The following MED16 variants were observed in gnomAD, a reference collection of about 807,000 sequenced individuals.
The protein encoded by MED16 is mediator complex subunit 16.
MED16 carries 81 observed loss-of-function variants against 84.4 expected under a neutral mutation model. The observed-to-expected ratio is 0.96, with a 90% CI of 0.80 to 1.15. The LOEUF (loss-of-function observed/expected upper bound fraction) is 1.15. Ranked by LOEUF, MED16 falls within the 50% of genes most tolerant of loss-of-function variation. The pLI, the probability that MED16 is intolerant of heterozygous loss-of-function variation, is 0.00. For synonymous variants in MED16, 897 were observed against 552.2 expected, an observed-to-expected ratio of 1.62 and a Z score of -8.76; for missense variants, 1,585 against 1,245.9, an observed-to-expected ratio of 1.27 and a Z score of -4.10.
intron 8 of MED16, among the ~76,000 whole-genome samples, chr19:878,129 G>T (rs1249050738): frequency 1.7e-5 from 2 of 115,570 alleles, no homozygotes; most frequent in African/African-American, 3.4e-5. Flanking sequence ...ACCTTCCCCT[G>T]GTTGTCAATG....
chr19:871,248 C>CT lies in MED16; in HGVS notation c.2103_2104insA (p.Asp702ArgfsTer2), dbSNP rs2036045579. The CT allele has an allele frequency of 6.5e-7, 1 of 1,536,700 alleles. No homozygotes were observed. The highest frequency in any genetic ancestry group is 2.5e-5 in the East Asian group (1 of 40,724). On this transcript the variant is annotated frameshift_variant, in exon 13 of 16. Transcript: ENST00000325464. LOFTEE classifies it high-confidence loss of function. ...TCCGGCTCGCTCGCTGGGCCCTCAT[C>CT]GCGACCTGCGGAGAGAGGTGGCGGA...
intron 15 of MED16, 82 bp from the exon 16 acceptor site, chr19:868,333 G>T: frequency 6.3e-7 from 1 of 1,591,042 alleles, no homozygotes. Context: ...CTCAGGGGCA[G>T]CTGAGGGGTA....
Position 889,699 on chromosome 19 carries a change from T to TC in MED16, c.385dup (p.Asp129GlyfsTer288), listed in dbSNP as rs778920960. 3.1e-6 allele frequency: 5 copies of TC among 1,613,306 alleles called. No homozygotes were observed. Among genetic ancestry groups the TC allele is most frequent in the Non-Finnish European group, 4.2e-6 (5 of 1,179,882 alleles). ...CAGCCAGGACAGGGCCACAATGGGG[T>TC]CCCCCTCCACTAGGCTGCCCACTGA... On this transcript the variant is annotated frameshift_variant, in exon 4 of 16. Coordinates refer to ENST00000325464, the MANE Select transcript of MED16 (RefSeq NM_005481.3). LOFTEE classifies it high-confidence loss of function.
chr19:887,582 C>T (rs536172832), intron 4 of MED16, among the ~76,000 whole-genome samples: 1 of 152,120 alleles, frequency 6.6e-6, no homozygotes, highest in Admixed American at 6.6e-5. Context: ...AGGAGAATCA[C>T]TTGAACCTGG....
chr19:880,167 G>A lies in MED16; in HGVS notation c.1142-19C>T. The A allele has an allele frequency of 2.2e-5, 35 of 1,598,612 alleles. No individual in the cohort carries two copies. Among genetic ancestry groups the A allele is most frequent in the Non-Finnish European group, 2.9e-5 (34 of 1,175,608 alleles). On this transcript the variant is annotated intron_variant, in intron 7 of 15. Coordinates refer to ENST00000325464, the MANE Select transcript of MED16 (RefSeq NM_005481.3). Reference sequence around the variant, plus strand: ...GCCAGCCCTGTGGGGCACAGGCACTGCTTAGACATGGGCAGGGCCCAGGAC... The same window carrying A: ...GCCAGCCCTGTGGGGCACAGGCACTACTTAGACATGGGCAGGGCCCAGGAC...
chr19:872,377 G>A (rs2036097867), intron 11 of MED16, among the ~76,000 whole-genome samples: 3 of 152,180 alleles, frequency 2.0e-5, no homozygotes, highest in African/African-American at 7.2e-5. Flanking sequence ...ACGAGGCTCT[G>A]GCTGAGGCCA....
chr19:882,946 G>A (rs1250167614), intron 6 of MED16, among the ~76,000 whole-genome samples: 3 of 152,220 alleles, frequency 2.0e-5, no homozygotes, highest in Non-Finnish European at 4.4e-5. Flanking sequence ...GACGCCCAGA[G>A]GGCACACAGT....
chr19:885,640 G>A, intron 5 of MED16, 130 bp downstream of exon 5: 4 of 1,113,930 alleles, frequency 3.6e-6, no homozygotes, highest in South Asian at 1.5e-5. Flanking sequence ...GGAGCCCCCG[G>A]GAGGGACCGG....
At chr19:883,105 C>T (rs1041150377) in intron 6 of MED16, among the ~76,000 whole-genome samples, 1 of 152,226 alleles carries the variant, frequency 6.6e-6, no homozygotes, top group African/African-American at 2.4e-5. Flanking sequence ...TACATCCCCT[C>T]CTCCATCCAA....
rs559317110 is a variant in MED16 at position 868,257 on chromosome 19, G to A, written c.2484-6C>T. On this transcript the variant is annotated splice_polypyrimidine_tract_variant and splice_region_variant and intron_variant, in intron 15 of 15. Coordinates refer to ENST00000325464, the MANE Select transcript of MED16 (RefSeq NM_005481.3). ...GCCCACGGCCTTCAACAGCCCTGCA[G>A]GGCGGGCTGAGGTTAACCGCGCCGA... The A allele has an allele frequency of 2.3e-4, 365 of 1,593,040 alleles. 3 individuals carry two copies. Among genetic ancestry groups the A allele is most frequent in the South Asian group, 2.2e-3 (196 of 89,162 alleles).
At chr19:877,413 G>A (rs1044004465) in intron 8 of MED16, among the ~76,000 whole-genome samples, 6 of 152,138 alleles carry the variant, frequency 3.9e-5, no homozygotes, top group Non-Finnish European at 8.8e-5. Flanking sequence ...TGCACTGGAT[G>A]CCGAGCCAGG....
rs774333243 is a variant in MED16, at chr19:873,454, T to G, written c.1900A>C (p.Asn634His). 3 of 1,607,896 alleles carry G rather than the reference T, an allele frequency of 1.9e-6. No homozygotes were observed. Among genetic ancestry groups the G allele is most frequent in the African/African-American group, 1.3e-5 (1 of 74,614 alleles). ...TAGGGGAGAGCATGGCGCACCTGGTTGGGTAGGCTGGCCAGCAGGTACAGC... is the reference window on the plus strand; with the variant it reads ...TAGGGGAGAGCATGGCGCACCTGGTGGGGTAGGCTGGCCAGCAGGTACAGC... ...FVLYLLASLP[N>H]QGSLLRPGHS... The change falls in exon 11 of 16, where the codon AAC (asparagine) becomes CAC (histidine). Residue 634 changes from asparagine to histidine, a missense_variant. By Grantham distance (68) the Asn-to-His change is moderately conservative. Transcript: ENST00000325464.
chr19:882,944 G>A (rs1345957304), intron 6 of MED16, among the ~76,000 whole-genome samples: 1 of 152,238 alleles, frequency 6.6e-6, no homozygotes, highest in Non-Finnish European at 1.5e-5. Context: ...GAGACGCCCA[G>A]AGGGCACACA....
intron 6 of MED16, among the ~76,000 whole-genome samples, chr19:884,636 TCTCAGC>T (rs1386276261): frequency 2.0e-5 from 3 of 152,088 alleles, no homozygotes; most frequent in African/African-American, 7.2e-5. Context: ...CAACGACACC[TCTCAGC>T]CTCGGCCTCG....
In MED16 at chr19:868,503, C is replaced by G; in HGVS notation, c.2400-4G>C. The G allele has an allele frequency of 6.2e-7, 1 of 1,609,508 alleles. No homozygotes were observed. The highest frequency in any genetic ancestry group is 1.3e-5 in the African/African-American group (1 of 75,022). ...GAGCATGGTGACACAGCCGCACCTG[C>G]GGGGAGGCAGGCACTGAGCGGGTTC... On this transcript the variant is annotated splice_polypyrimidine_tract_variant and splice_region_variant and intron_variant, in intron 14 of 15. Transcript: ENST00000325464.
intron 15 of MED16, 63 bp downstream of exon 15, chr19:868,331 CAGCTGAGGGGTAGCTGAGGAGT>C (rs753197657): frequency 1.3e-5 from 20 of 1,539,028 alleles, no homozygotes; most frequent in South Asian, 3.5e-5. Context: ...GGCTCAGGGG[CAGCTGAGGGGTAGCTGAGGAGT>C]AGCTGAGGGG....
chr19:887,154 C>A (rs563266348), intron 4 of MED16, among the ~76,000 whole-genome samples: 1 of 151,678 alleles, frequency 6.6e-6, no homozygotes. Flanking sequence ...GTGTATCATA[C>A]GTATCGTACG....
chr19:893,004 G>C lies in MED16; in HGVS notation c.-19+82C>G, dbSNP rs2036674305. 3 of 152,328 alleles carry C rather than the reference G, an allele frequency of 2.0e-5. 1 individual carries two copies. In the South Asian group the frequency reaches 5.5e-4, roughly 28 times the overall value. 9.4% of individuals were successfully genotyped at this position (152,328 alleles called of 1,614,324 possible). Reference sequence around the variant, plus strand: ...CCCCCGACCCCGCAGGCCCCGCCACGGCTGCGCCGCGTTCCCTCGGGTCCG... The same window carrying C: ...CCCCCGACCCCGCAGGCCCCGCCACCGCTGCGCCGCGTTCCCTCGGGTCCG... On this transcript the variant is annotated intron_variant, in intron 1 of 15. Transcript: ENST00000325464.
chr19:870,652 C>T (rs1455828313), intron 13 of MED16, among the ~76,000 whole-genome samples: 3 of 151,330 alleles, frequency 2.0e-5, no homozygotes, highest in Non-Finnish European at 4.4e-5. Flanking sequence ...GAAGACACCA[C>T]TAGGGGATGG....
Sources: allele counts gnomAD v4.1 joint callset (sites outside exome capture counted in the v4.1 genomes callset), GRCh38; gene constraint gnomAD v4.1.1; transcripts MANE v1.5; gene names NCBI Gene and HGNC (gene_info 2026-07-23, HGNC 2026-07-21).